The following ZFPM2 variants were observed in gnomAD, a reference collection of about 807,000 sequenced individuals.
The protein encoded by ZFPM2 is zinc finger protein, FOG family member 2.
Under a neutral mutation model 98.6 loss-of-function variants are expected in ZFPM2, and 20 were observed. The ratio of observed to expected loss-of-function variants is 0.20; its 90% CI spans 0.14 to 0.29. The LOEUF (loss-of-function observed/expected upper bound fraction) is 0.29, where lower values mean the gene tolerates loss of function less well. Among genes scored for constraint, ZFPM2 ranks in the 10% least tolerant of loss-of-function variants. The pLI is 1.00. For synonymous variants in ZFPM2, 518 were observed against 502.7 expected, an observed-to-expected ratio of 1.03 and a Z score of -0.41; for missense variants, 1,310 against 1,388.6, an observed-to-expected ratio of 0.94 and a Z score of 0.90.
At chr8:105,475,051 A>G (rs533597894) in intron 3 of ZFPM2, among the ~76,000 whole-genome samples, 12 of 152,240 alleles carry the variant, frequency 7.9e-5, no homozygotes, top group Non-Finnish European at 1.8e-4. Context: ...GATTTATGGA[A>G]AAACATTGGC....
At chr8:105,745,424 T>C (rs1441506313) in intron 5 of ZFPM2, among the ~76,000 whole-genome samples, 1 of 152,106 alleles carries the variant, frequency 6.6e-6, no homozygotes. Flanking sequence ...AGAGAACACA[T>C]ATAAAATATT....
At chr8:105,694,293 A>AT (rs547369323) in intron 5 of ZFPM2, among the ~76,000 whole-genome samples, 31 of 151,910 alleles carry the variant, frequency 2.0e-4, no homozygotes, top group Non-Finnish European at 4.6e-4. Flanking sequence ...GCCTCTCCAA[A>AT]TTTTTTTAAG....
intron 4 of ZFPM2, among the ~76,000 whole-genome samples, chr8:105,615,387 G>A (rs1816393037): frequency 6.6e-6 from 1 of 152,120 alleles, no homozygotes; most frequent in Non-Finnish European, 1.5e-5. Flanking sequence ...TTACTTTTCT[G>A]CAAAGTTGAA....
intron 1 of ZFPM2, among the ~76,000 whole-genome samples, chr8:105,360,053 G>A (rs928289400): frequency 1.3e-5 from 2 of 152,142 alleles, no homozygotes; most frequent in Non-Finnish European, 2.9e-5. Flanking sequence ...TTGGCACTTA[G>A]GTTGGTTTCA....
At chr8:105,457,414 GA>G (rs1484087897) in intron 3 of ZFPM2, among the ~76,000 whole-genome samples, 1 of 152,204 alleles carries the variant, frequency 6.6e-6, no homozygotes, top group Non-Finnish European at 1.5e-5. Flanking sequence ...TATTGAAGAA[GA>G]ACTATGCAGT....
intron 5 of ZFPM2, among the ~76,000 whole-genome samples, chr8:105,708,270 T>C (rs1312375587): frequency 6.6e-6 from 1 of 152,110 alleles, no homozygotes; most frequent in Admixed American, 6.5e-5. Context: ...ATATGAAAAA[T>C]TAAATATTAA....
intron 3 of ZFPM2, among the ~76,000 whole-genome samples, chr8:105,466,901 T>C (rs1812806131): frequency 1.3e-5 from 2 of 152,080 alleles, no homozygotes; most frequent in African/African-American, 4.8e-5. Context: ...AAAATTTCTA[T>C]TCAGATAAAA....
chr8:105,399,556 G>A (rs1386988472), intron 1 of ZFPM2, among the ~76,000 whole-genome samples: 1 of 152,056 alleles, frequency 6.6e-6, no homozygotes, highest in Non-Finnish European at 1.5e-5. Context: ...ATGAGGACAG[G>A]GACTTTTTCT....
At chr8:105,748,784 C>T (rs1402267936) in intron 5 of ZFPM2, among the ~76,000 whole-genome samples, 1 of 151,980 alleles carries the variant, frequency 6.6e-6, no homozygotes, top group African/African-American at 2.4e-5. Context: ...TCACTTTGCA[C>T]TCAAATGGAT....
intron 4 of ZFPM2, among the ~76,000 whole-genome samples, chr8:105,589,156 G>T (rs1456712669): frequency 2.6e-5 from 4 of 152,152 alleles, no homozygotes; most frequent in South Asian, 4.1e-4. Context: ...CTATTATTCA[G>T]TTCCACTTGA....
intron 5 of ZFPM2, among the ~76,000 whole-genome samples, chr8:105,651,856 A>G (rs890248012): frequency 6.6e-6 from 1 of 152,210 alleles, no homozygotes; most frequent in Non-Finnish European, 1.5e-5. Flanking sequence ...TGTGGAAATC[A>G]TTTGAAAATC....
At chr8:105,498,027 C>CA (rs1195802124) in intron 3 of ZFPM2, among the ~76,000 whole-genome samples, 1,640 of 61,604 alleles carry the variant, frequency 0.027, 14 homozygotes, top group African/African-American at 0.042. Flanking sequence ...CCGTCTCTAC[C>CA]AAAAAAAAAA....
At chr8:105,568,888 T>A (rs909190556) in intron 4 of ZFPM2, among the ~76,000 whole-genome samples, 1 of 152,118 alleles carries the variant, frequency 6.6e-6, no homozygotes, top group African/African-American at 2.4e-5. Context: ...ACTTTAGGCA[T>A]TCTGAACTAC....
rs140087150 is a variant in ZFPM2 at position 105,418,990 on chromosome 8, G to A, written c.41-154G>A. 1.6e-3 allele frequency among the ~76,000 whole-genome samples: 239 copies of A among 152,146 alleles called. 1 individual carries two copies. Among genetic ancestry groups the A allele is most frequent in the African/African-American group, 5.7e-3 (237 of 41,526 alleles). On this transcript the variant is annotated intron_variant, in intron 1 of 7. Transcript: ENST00000407775. The stretch of plus-strand genomic sequence containing the variant: ...TAGGTCATTGTTTCTTGTATATACG[G>A]ATGTGGCATTATCTTTTGTGAGTCC...
At chr8:105,588,264 T>C (rs1434241760) in intron 4 of ZFPM2, among the ~76,000 whole-genome samples, 1 of 152,184 alleles carries the variant, frequency 6.6e-6, no homozygotes, top group African/African-American at 2.4e-5. Flanking sequence ...TCTCTTGAGA[T>C]AGGCAACTCA....
At chr8:105,443,908 G>A (rs1270582577) in intron 2 of ZFPM2, among the ~76,000 whole-genome samples, 2 of 151,986 alleles carry the variant, frequency 1.3e-5, no homozygotes, top group Non-Finnish European at 2.9e-5. Context: ...TCTGCATCTT[G>A]TCTTTAGAAA....
At position 105,355,002 on chromosome 8, in the gene ZFPM2, A is replaced by G. The variant is rs113157776; in HGVS notation, c.40+36021A>G. 7.1e-3 allele frequency among the ~76,000 whole-genome samples: 1,075 copies of G among 152,206 alleles called. 10 individuals are homozygous for G. Among genetic ancestry groups the G allele is most frequent in the African/African-American group, 0.025 (1,023 of 41,558 alleles). ...AAAAACAGCGGCAACAAAAAATCAA[A>G]TGTTCTAAAGTTTCTATATTTTCAG... is the stretch of plus-strand genomic sequence containing the variant. On this transcript the variant is annotated intron_variant, in intron 1 of 7. Transcript: ENST00000407775.
intron 1 of ZFPM2, among the ~76,000 whole-genome samples, chr8:105,349,655 G>A (rs1222748239): frequency 1.3e-5 from 2 of 152,148 alleles, no homozygotes; most frequent in African/African-American, 2.4e-5. Context: ...CATTGCATAC[G>A]TTGTGTAGCT....
chr8:105,715,235 C>T (rs1421486530), intron 5 of ZFPM2, among the ~76,000 whole-genome samples: 1 of 151,158 alleles, frequency 6.6e-6, no homozygotes, highest in African/African-American at 2.4e-5. Flanking sequence ...CCCATCTCTA[C>T]AAAAAAAATA....
Sources: gnomAD v4.1 joint callset for allele counts (sites outside exome capture counted in the v4.1 genomes callset) on GRCh38, gnomAD v4.1.1 for gene constraint, MANE v1.5 for transcripts, NCBI Gene and HGNC (gene_info 2026-07-23, HGNC 2026-07-21) for gene names.